Variants in SCNN1G observed in about 807,000 individuals in gnomAD.
SCNN1G encodes epithelial sodium channel subunit gamma.
SCNN1G carries 27 observed loss-of-function variants against 64.6 expected under a neutral mutation model. The ratio of observed to expected loss-of-function variants is 0.42; its 90% CI spans 0.31 to 0.58. SCNN1G has a LOEUF of 0.58. SCNN1G is among the 20% of genes least tolerant of loss of function. SCNN1G has a pLI of 0.18. For synonymous variants in SCNN1G, 330 were observed against 314.2 expected (o/e 1.05, Z -0.53); for missense variants, 743 against 823.4 (o/e 0.90, Z 1.19).
chr16:23,195,213 C>T (rs1959776542), intron 5 of SCNN1G, among the ~76,000 whole-genome samples: 1 of 152,180 alleles, frequency 6.6e-6, no homozygotes, highest in Non-Finnish European at 1.5e-5. Context: ...TCAGCCATAA[C>T]ACATACCAAG....
intron 4 of SCNN1G, among the ~76,000 whole-genome samples, chr16:23,193,069 C>CAAAAAAA (rs56318076): frequency 3.3e-4 from 23 of 69,128 alleles, no homozygotes; most frequent in African/African-American, 1.6e-3. Flanking sequence ...ACTCTTGTCT[C>CAAAAAAA]AAAAAAAAAA....
intron 3 of SCNN1G, among the ~76,000 whole-genome samples, chr16:23,192,055 C>T (rs995824982): frequency 1.3e-5 from 2 of 148,404 alleles, no homozygotes; most frequent in Non-Finnish European, 3.0e-5. Context: ...TCGGATGAAA[C>T]CTAGGTGCCT....
At chr16:23,192,282 T>G in intron 3 of SCNN1G, 70 bp from the exon 4 acceptor site, 6 of 1,284,538 alleles carry the variant, frequency 4.7e-6, no homozygotes, top group Non-Finnish European at 6.8e-6. Flanking sequence ...CAGTCACTCA[T>G]TCTTATGGTC....
At chr16:23,196,883 C>T (rs143286425) in intron 5 of SCNN1G, among the ~76,000 whole-genome samples, 262 of 152,264 alleles carry the variant, frequency 1.7e-3, no homozygotes, top group Admixed American at 2.2e-3. Context: ...GAGTGCCCAC[C>T]CTGAGGGGTT....
At chr16:23,183,543 A>C (rs901024728) in intron 1 of SCNN1G, among the ~76,000 whole-genome samples, 9 of 152,052 alleles carry the variant, frequency 5.9e-5, no homozygotes, top group African/African-American at 1.9e-4. Context: ...GTAGGTGAGG[A>C]GGGGGTGCAC....
chr16:23,205,764 G>A (rs561422038), intron 6 of SCNN1G, among the ~76,000 whole-genome samples: 68 of 151,404 alleles, frequency 4.5e-4, no homozygotes, highest in African/African-American at 1.6e-3. Context: ...CCATCCACCT[G>A]TTCCATCCCC....
intron 7 of SCNN1G, among the ~76,000 whole-genome samples, chr16:23,211,223 G>C (rs984102930): frequency 1.3e-5 from 2 of 152,178 alleles, no homozygotes; most frequent in African/African-American, 4.8e-5. Context: ...CCAAACAGCA[G>C]AAAAATAGCA....
intron 4 of SCNN1G, among the ~76,000 whole-genome samples, chr16:23,193,119 T>C (rs956669015): frequency 6.8e-6 from 1 of 147,990 alleles, no homozygotes; most frequent in Non-Finnish European, 1.5e-5. Flanking sequence ...AGGTATTAGA[T>C]TGGCACAAAA....
At chr16:23,204,316 TATATATATATATATATATAGAGAG>T (rs1252764390) in intron 6 of SCNN1G, among the ~76,000 whole-genome samples, 10 of 82,704 alleles carry the variant, frequency 1.2e-4, no homozygotes, top group African/African-American at 3.2e-4. Flanking sequence ...TATATATATA[TATATATATATATATATATAGAGAG>T]AGAGAGAGAG....
In SCNN1G at chr16:23,189,437, G is replaced by A; in HGVS notation, c.384G>A (p.Leu128=). 1 of 1,614,206 alleles carries A rather than the reference G, an allele frequency of 6.2e-7. No homozygotes were observed. Among genetic ancestry groups the A allele is most frequent in the African/African-American group, 1.3e-5 (1 of 75,072 alleles). ...AGACCAGAGAGGCCCTGAAGTCCCT[G>A]TATGGCTTTCCAGAGTCCCGGAAGC... ...EQETREALKS[L]YGFPESRKRR... is the part of the protein sequence containing the mutation. Residue 128 remains leucine (L), a synonymous_variant, in exon 3 of 13, where the codon CTG becomes CTA. Coordinates refer to ENST00000300061, the MANE Select transcript of SCNN1G (RefSeq NM_001039.4).
chr16:23,190,591 G>A (rs76551914), intron 3 of SCNN1G, among the ~76,000 whole-genome samples: 8,946 of 152,204 alleles, frequency 0.059, 347 homozygotes, highest in Non-Finnish European at 0.074. Flanking sequence ...CTATCTGGTT[G>A]GTCAAGCTTG....
intron 2 of SCNN1G, among the ~76,000 whole-genome samples, chr16:23,187,084 G>A (rs1959621258): frequency 6.6e-6 from 1 of 151,098 alleles, no homozygotes; most frequent in African/African-American, 2.4e-5. Flanking sequence ...TTACAGGTGT[G>A]AGCCACAGTA....
intron 6 of SCNN1G, among the ~76,000 whole-genome samples, chr16:23,204,927 C>T (rs1030685857): frequency 6.6e-6 from 1 of 152,162 alleles, no homozygotes; most frequent in Non-Finnish European, 1.5e-5. Context: ...ATCCTCCCAC[C>T]TCAGCCTCTC....
intron 6 of SCNN1G, 32 bp from the exon 7 acceptor site, chr16:23,209,718 A>G (rs2141943235): frequency 6.5e-7 from 1 of 1,541,772 alleles, no homozygotes; most frequent in African/African-American, 1.4e-5. Flanking sequence ...CGGGGGGAGG[A>G]CAGGGCTGAG....
chr16:23,192,038 G>A (rs1444629520), intron 3 of SCNN1G, among the ~76,000 whole-genome samples: 1 of 151,930 alleles, frequency 6.6e-6, no homozygotes, highest in Non-Finnish European at 1.5e-5. Context: ...GAACGTAGTA[G>A]CATCAATCGG....
chr16:23,188,091 A>G (rs1959643785), intron 2 of SCNN1G, among the ~76,000 whole-genome samples: 1 of 152,136 alleles, frequency 6.6e-6, no homozygotes, highest in African/African-American at 2.4e-5. Flanking sequence ...CTCAGCATCT[A>G]TAAACTGTCA....
chr16:23,191,741 C>T (rs1373972070), intron 3 of SCNN1G, among the ~76,000 whole-genome samples: 2 of 152,196 alleles, frequency 1.3e-5, no homozygotes, highest in African/African-American at 2.4e-5. Context: ...CAGTTGACAT[C>T]TGTCCATTTA....
At chr16:23,190,763 C>T (rs942140708) in intron 3 of SCNN1G, among the ~76,000 whole-genome samples, 2 of 149,184 alleles carry the variant, frequency 1.3e-5, no homozygotes, top group Non-Finnish European at 3.0e-5. Context: ...CATCAATATT[C>T]GTGCAGTACT....
chr16:23,210,559 G>C (rs529265307), intron 7 of SCNN1G, among the ~76,000 whole-genome samples: 1 of 152,242 alleles, frequency 6.6e-6, no homozygotes, highest in South Asian at 2.1e-4. Context: ...ACACTTAAGT[G>C]AGATGATCTG....
Sources: allele counts gnomAD v4.1 joint callset (sites outside exome capture counted in the v4.1 genomes callset), GRCh38; gene constraint gnomAD v4.1.1; transcripts MANE v1.5; gene names NCBI Gene and HGNC (gene_info 2026-07-23, HGNC 2026-07-21).